Variants in PRKCQ observed in about 807,000 individuals in gnomAD.
The protein encoded by PRKCQ is protein kinase C theta.
Under a neutral mutation model 91.2 loss-of-function variants are expected in PRKCQ, and 41 were observed. The observed-to-expected ratio is 0.45, with a 90% CI of 0.35 to 0.58. PRKCQ has a LOEUF of 0.58. Ranked by LOEUF, PRKCQ falls within the 20% of genes least tolerant of loss-of-function variation. PRKCQ has a pLI of 0.00. For synonymous variants in PRKCQ, 307 were observed against 316.9 expected, an observed-to-expected ratio of 0.97 and a Z score of 0.33; for missense variants, 673 against 896.5, an observed-to-expected ratio of 0.75 and a Z score of 3.18.
Position 6,511,176 on chromosome 10 carries a change from A to G in PRKCQ, c.137T>C (p.Ile46Thr). The change falls in exon 3 of 18, where the codon ATC becomes ACC. Residue 46 changes from isoleucine to threonine, a missense_variant. Transcript: ENST00000263125. ...YVESENGQMY[I>T]QKKPTMYPPW... The stretch of plus-strand genomic sequence containing the variant: ...TGGGTACATGGTAGGCTTTTTCTGG[A>G]TATACATCTGCCCGTTCTCTAGGAA... 6.2e-7 allele frequency: 1 copy of G among 1,614,028 alleles called. No homozygotes were observed. Among genetic ancestry groups the G allele is most frequent in the Non-Finnish European group, 8.5e-7 (1 of 1,180,000 alleles).
At chr10:6,564,525 G>A (rs988041545) in intron 1 of PRKCQ, among the ~76,000 whole-genome samples, 1 of 151,930 alleles carries the variant, frequency 6.6e-6, no homozygotes, top group African/African-American at 2.4e-5. Flanking sequence ...CTACTTTGGG[G>A]CCACATATGG....
Position 6,576,763 on chromosome 10 carries a change from G to T in PRKCQ, c.-10+3448C>A, listed in dbSNP as rs1415390622. Among the ~76,000 whole-genome samples, 2 of 152,212 alleles carry T rather than the reference G, an allele frequency of 1.3e-5. No individual in the cohort carries two copies. The highest frequency in any genetic ancestry group is 2.9e-5 in the Non-Finnish European group (2 of 68,038). On this transcript the variant is annotated intron_variant, in intron 1 of 17. Transcript: ENST00000263125. The surrounding 1 kb of genome is among the most constrained non-coding windows in gnomAD (Gnocchi z 4.2). ...AACTGGTAGGTCACCTGGGACTGCGGTTTAAAGCAAATGCTTGATGGTTAG... is the reference window on the plus strand; with the variant it reads ...AACTGGTAGGTCACCTGGGACTGCGTTTTAAAGCAAATGCTTGATGGTTAG...
chr10:6,397,600 CTAGCTTCCATAT>C, the PRKCQ span, among the ~76,000 whole-genome samples: 1 of 152,306 alleles, frequency 6.6e-6, no homozygotes, highest in Middle Eastern at 3.4e-3. Flanking sequence ...ACTTTTACCT[CTAGCTTCCATAT>C]TTGTGATATT....
At position 6,427,422 on chromosome 10, in the gene PRKCQ, T is replaced by C. The variant is rs1167148143; in HGVS notation, c.*785A>G. The C allele has an allele frequency of 6.6e-6, 1 of 152,252 alleles. No individual in the cohort carries two copies. Among genetic ancestry groups the C allele is most frequent in the Non-Finnish European group, 1.5e-5 (1 of 68,048 alleles). 9.4% of individuals were successfully genotyped at this position (152,252 alleles called of 1,614,324 possible). A position where few individuals can be genotyped will look rare whatever the true frequency, so the allele number is the denominator to read the frequency against. On this transcript the variant is annotated 3_prime_UTR_variant, in exon 18 of 18. Transcript: ENST00000263125. ...ATGCACTTCATTTCTTTTCTTGTTATAGTGTGAGAATGGCAGTGAGTGACT... is the reference window on the plus strand; with the variant it reads ...ATGCACTTCATTTCTTTTCTTGTTACAGTGTGAGAATGGCAGTGAGTGACT...
In PRKCQ at chr10:6,498,383, C is replaced by T. The variant is rs747311494; in HGVS notation, c.542+13G>A. 1 of 1,613,678 alleles carries T rather than the reference C, an allele frequency of 6.2e-7. No individual in the cohort carries two copies. The highest frequency in any genetic ancestry group is 8.5e-7 in the Non-Finnish European group (1 of 1,179,852). ...TAACCCGAAGCTTGGAGGGAGATGC[C>T]AAGTTACTGTACCAGACAAACTCGT... is the stretch of plus-strand genomic sequence containing the variant. On this transcript the variant is annotated intron_variant, in intron 5 of 17. Coordinates refer to ENST00000263125, the MANE Select transcript of PRKCQ (RefSeq NM_006257.5).
chr10:6,482,035 C>T (rs56051527), intron 11 of PRKCQ, among the ~76,000 whole-genome samples: 1 of 149,968 alleles, frequency 6.7e-6, no homozygotes. Flanking sequence ...TCTTTCCTTC[C>T]TCTCCTTGTC....
At chr10:6,405,140 C>T in the PRKCQ span, among the ~76,000 whole-genome samples, 55 of 152,286 alleles carry the variant, frequency 3.6e-4, no homozygotes, top group Middle Eastern at 3.4e-3. Flanking sequence ...CGCCACCACA[C>T]CCTGCTAATT....
chr10:6,396,330 C>T, the PRKCQ span, among the ~76,000 whole-genome samples: 2 of 152,160 alleles, frequency 1.3e-5, no homozygotes, highest in Non-Finnish European at 2.9e-5. Context: ...GTATACAATT[C>T]AATGCTTTTC....
intron 1 of PRKCQ, among the ~76,000 whole-genome samples, chr10:6,570,848 C>A (rs1265617084): frequency 1.3e-5 from 2 of 152,004 alleles, no homozygotes; most frequent in African/African-American, 2.4e-5. Flanking sequence ...AGCCACTGTG[C>A]CTGGCTGGAA....
chr10:6,568,408 TTA>T (rs374885326), intron 1 of PRKCQ, among the ~76,000 whole-genome samples: 1,545 of 152,294 alleles, frequency 0.01, 9 homozygotes, highest in Non-Finnish European at 0.016. Context: ...TGTCTACATT[TTA>T]TGTTTACCTG....
chr10:6,508,594 T>C (rs571789952), intron 3 of PRKCQ, among the ~76,000 whole-genome samples: 4 of 152,360 alleles, frequency 2.6e-5, no homozygotes, highest in African/African-American at 9.6e-5. Context: ...AACAGATTAA[T>C]GAAAAGAAAA....
At chr10:6,468,839 A>G (rs534385461) in intron 12 of PRKCQ, among the ~76,000 whole-genome samples, 9 of 152,388 alleles carry the variant, frequency 5.9e-5, no homozygotes, top group African/African-American at 1.9e-4. Flanking sequence ...GTAGTACAAC[A>G]AGATGAAAAC....
At chr10:6,423,813 A>C (rs1224870605), downstream of PRKCQ, among the ~76,000 whole-genome samples, 2 of 152,122 alleles carry the variant, frequency 1.3e-5, no homozygotes, top group African/African-American at 4.8e-5. Flanking sequence ...TTCAGGAGAG[A>C]GGACCTGATA....
intron 1 of PRKCQ, among the ~76,000 whole-genome samples, chr10:6,575,667 C>A (rs932036027): frequency 2.6e-5 from 4 of 152,214 alleles, no homozygotes; most frequent in Non-Finnish European, 5.9e-5. Context: ...CCCAGAGATC[C>A]CTGCCATTGG....
intron 1 of PRKCQ, among the ~76,000 whole-genome samples, chr10:6,541,497 C>T (rs78897308): frequency 6.6e-6 from 1 of 152,246 alleles, no homozygotes; most frequent in East Asian, 1.9e-4. Flanking sequence ...GGAATTGTTG[C>T]CCCCTAGGTG....
At position 6,488,573 on chromosome 10, in the gene PRKCQ, A is replaced by C. The variant is rs577906834; in HGVS notation, c.791-2429T>G. Among the ~76,000 whole-genome samples, 133 of 152,186 alleles carry C rather than the reference A, an allele frequency of 8.7e-4. 1 individual carries two copies. The highest frequency in any genetic ancestry group is 3.1e-3 in the African/African-American group (130 of 41,528). ...GCTAATTTTTGTTTTTAGTAGAGACAGGGTTTCGCCATGTTGGCCAGGCTG... is the reference window on the plus strand; with the variant it reads ...GCTAATTTTTGTTTTTAGTAGAGACCGGGTTTCGCCATGTTGGCCAGGCTG... On this transcript the variant is annotated intron_variant, in intron 8 of 17. Transcript: ENST00000263125.
At position 6,460,825 on chromosome 10, in the gene PRKCQ, ACCATCCATCCAT is replaced by A. The variant is rs1270167883; in HGVS notation, c.1508+1466_1508+1477del. Among the ~76,000 whole-genome samples the A allele has an allele frequency of 2.0e-4, 29 of 147,034 alleles. No homozygotes were observed. The East Asian group carries it at 5.1e-3, about 26-fold the overall frequency. On this transcript the variant is annotated intron_variant, in intron 14 of 17. Transcript: ENST00000263125. ...TTATTTATCTCCCCACCCATCCATC[ACCATCCATCCAT>A]CCATCCCATCCATCCATCCAACCAT...
At chr10:6,412,991 TG>T in the PRKCQ span, among the ~76,000 whole-genome samples, 3 of 152,336 alleles carry the variant, frequency 2.0e-5, no homozygotes, top group South Asian at 4.1e-4. Flanking sequence ...CTCACTCTGT[TG>T]CCCAGGCTGG....
At chr10:6,526,033 G>A (rs1424279675) in intron 1 of PRKCQ, among the ~76,000 whole-genome samples, 2 of 152,190 alleles carry the variant, frequency 1.3e-5, no homozygotes, top group Non-Finnish European at 2.9e-5. Flanking sequence ...AAACTCCTAC[G>A]TGCATTGCAC....
Sources: gnomAD v4.1 joint callset for allele counts (sites outside exome capture counted in the v4.1 genomes callset) on GRCh38, gnomAD v4.1.1 for gene constraint, Gnocchi (gnomAD v3.1) non-coding constraint, MANE v1.5 for transcripts, NCBI Gene and HGNC (gene_info 2026-07-23, HGNC 2026-07-21) for gene names.